The following TSHZ2 variants were observed in gnomAD, a reference collection of about 807,000 sequenced individuals.
TSHZ2 encodes the protein teashirt homolog 2.
Under a neutral mutation model 74.4 loss-of-function variants are expected in TSHZ2, and 21 were observed. That is an observed-to-expected ratio of 0.28 (90% CI 0.20 to 0.41). TSHZ2 has a LOEUF of 0.41. Among genes scored for constraint, TSHZ2 ranks in the 10% least tolerant of loss-of-function variants. TSHZ2 has a pLI of 1.00. For synonymous variants in TSHZ2, 540 were observed against 515.3 expected (o/e 1.05, Z -0.65); for missense variants, 1,244 against 1,293.5 (o/e 0.96, Z 0.59).
chr20:53,037,444 A>G lies in TSHZ2; in HGVS notation c.40+64111A>G, dbSNP rs546966913. On this transcript the variant is annotated intron_variant, in intron 1 of 2. Coordinates refer to ENST00000371497, the MANE Select transcript of TSHZ2 (RefSeq NM_173485.6). Reference sequence around the variant, plus strand: ...AAGACATGGACCTAAGACTCCAAACAAAAATACATTTCTTTGAAACTAAAT... The same window carrying G: ...AAGACATGGACCTAAGACTCCAAACGAAAATACATTTCTTTGAAACTAAAT... Among the ~76,000 whole-genome samples, 39 of 152,338 alleles carry G rather than the reference A, an allele frequency of 2.6e-4. 1 individual carries two copies. Among genetic ancestry groups the G allele is most frequent in the Admixed American group, 2.4e-3 (37 of 15,312 alleles).
At chr20:53,442,611 G>A (rs1319247627) in intron 2 of TSHZ2, among the ~76,000 whole-genome samples, 2 of 152,124 alleles carry the variant, frequency 1.3e-5, no homozygotes. Context: ...ATCACTCTGA[G>A]AGATCGCTCA....
intron 2 of TSHZ2, among the ~76,000 whole-genome samples, chr20:53,440,077 G>A (rs546980091): frequency 4.6e-5 from 7 of 151,482 alleles, no homozygotes; most frequent in South Asian, 2.1e-4. Flanking sequence ...AAATGTAATC[G>A]AAATCACTGG....
intron 1 of TSHZ2, among the ~76,000 whole-genome samples, chr20:53,184,249 T>C (rs1988548990): frequency 6.6e-6 from 1 of 152,246 alleles, no homozygotes; most frequent in African/African-American, 2.4e-5. Flanking sequence ...AAATGATTTT[T>C]GGATTTGATT....
At chr20:53,352,984 G>A (rs1980711554) in intron 2 of TSHZ2, among the ~76,000 whole-genome samples, 1 of 151,904 alleles carries the variant, frequency 6.6e-6, no homozygotes, top group South Asian at 2.1e-4. Flanking sequence ...TTTTTGCCCT[G>A]ACCACCAGGA....
chr20:53,442,869 A>C (rs1376528416), intron 2 of TSHZ2, among the ~76,000 whole-genome samples: 3 of 152,236 alleles, frequency 2.0e-5, no homozygotes, highest in African/African-American at 7.2e-5. Context: ...CATTGTGTGC[A>C]CTTGAGCTCT....
chr20:52,973,157 G>A lies in TSHZ2; in HGVS notation c.-137G>A. 8.8e-7 allele frequency: 1 copy of A among 1,131,464 alleles called. No individual in the cohort carries two copies. The highest frequency in any genetic ancestry group is 1.3e-6 in the Non-Finnish European group (1 of 793,972). The allele number at this position is 1,131,464 out of a possible 1,614,324, so 70.1% of individuals were successfully genotyped here. A position where few individuals can be genotyped will look rare whatever the true frequency, so the allele number is the denominator to read the frequency against. On this transcript the variant is annotated 5_prime_UTR_variant, in exon 1 of 3. Coordinates refer to ENST00000371497, the MANE Select transcript of TSHZ2 (RefSeq NM_173485.6). Reference sequence around the variant, plus strand: ...GAGGAGTTGCAGGGGGGATCGTCAGGGGGACAGAGGCCGAGTGACGTCCTA... The same window carrying A: ...GAGGAGTTGCAGGGGGGATCGTCAGAGGGACAGAGGCCGAGTGACGTCCTA...
intron 2 of TSHZ2, among the ~76,000 whole-genome samples, chr20:53,309,223 C>T (rs1978676765): frequency 6.6e-6 from 1 of 152,158 alleles, no homozygotes; most frequent in African/African-American, 2.4e-5. Flanking sequence ...GAACGACTGC[C>T]CTGTTGCTGT....
chr20:53,087,882 T>C (rs964919157), intron 1 of TSHZ2, among the ~76,000 whole-genome samples: 1 of 152,204 alleles, frequency 6.6e-6, no homozygotes, highest in Admixed American at 6.5e-5. Flanking sequence ...ATATTGGTAA[T>C]TGGCCACCTT....
chr20:52,995,963 A>G (rs1402698220), intron 1 of TSHZ2, among the ~76,000 whole-genome samples: 3 of 151,822 alleles, frequency 2.0e-5, no homozygotes, highest in African/African-American at 2.4e-5. Flanking sequence ...AAGTTATTTA[A>G]CCTTCTAAGC....
intron 1 of TSHZ2, among the ~76,000 whole-genome samples, chr20:53,168,161 AG>A (rs1988105685): frequency 6.6e-6 from 1 of 152,148 alleles, no homozygotes; most frequent in Non-Finnish European, 1.5e-5. Flanking sequence ...TGATTTGTTC[AG>A]GGTTTGTCCA....
chr20:53,174,435 T>C (rs1988276168), intron 1 of TSHZ2, among the ~76,000 whole-genome samples: 1 of 152,198 alleles, frequency 6.6e-6, no homozygotes. Flanking sequence ...TCATAGGCCA[T>C]GTCGAATAAG....
At chr20:53,337,312 C>T (rs769147113) in intron 2 of TSHZ2, among the ~76,000 whole-genome samples, 1 of 152,230 alleles carries the variant, frequency 6.6e-6, no homozygotes, top group Admixed American at 6.5e-5. Context: ...TAGATAATTA[C>T]TGGTTGAATA....
intron 1 of TSHZ2, among the ~76,000 whole-genome samples, chr20:53,053,267 CTTTA>C (rs201217986): frequency 2.6e-5 from 4 of 152,150 alleles, no homozygotes; most frequent in Non-Finnish European, 2.9e-5. Context: ...ATATGCCACA[CTTTA>C]TTTATTCATT....
intron 1 of TSHZ2, among the ~76,000 whole-genome samples, chr20:53,145,607 C>G (rs1414190834): frequency 6.6e-6 from 1 of 152,162 alleles, no homozygotes; most frequent in Non-Finnish European, 1.5e-5. Context: ...GAGTGTAGAA[C>G]ACACACCTCA....
At chr20:53,038,968 C>T (rs1434937634) in intron 1 of TSHZ2, among the ~76,000 whole-genome samples, 1 of 151,520 alleles carries the variant, frequency 6.6e-6, no homozygotes, top group East Asian at 1.9e-4. Context: ...GCGATCTCGG[C>T]TCACAGCAAC....
intron 2 of TSHZ2, among the ~76,000 whole-genome samples, chr20:53,406,213 G>A (rs940536939): frequency 4.4e-4 from 67 of 152,032 alleles, no homozygotes; most frequent in African/African-American, 1.6e-3. Flanking sequence ...AAAAAGAGCA[G>A]GTGGATGTGT....
At position 53,489,431 on chromosome 20, in the gene TSHZ2, C is replaced by G; in HGVS notation, c.*2296C>G. 3 of 326,280 alleles carry G rather than the reference C, an allele frequency of 9.2e-6. No homozygotes were observed. The highest frequency in any genetic ancestry group is 4.1e-5 in the Admixed American group (1 of 24,502). 20.2% of individuals were successfully genotyped at this position (326,280 alleles called of 1,614,324 possible). The stretch of plus-strand genomic sequence containing the variant: ...AAATCAATGCATTAGTATTGGGGTT[C>G]TCGTAGCTGTTAAAAATTGTCTGCT... On this transcript the variant is annotated 3_prime_UTR_variant, in exon 3 of 3. Transcript: ENST00000371497.
chr20:53,234,944 G>A (rs1290209626), intron 1 of TSHZ2, among the ~76,000 whole-genome samples: 1 of 152,066 alleles, frequency 6.6e-6, no homozygotes, highest in East Asian at 1.9e-4. Context: ...GGAGTGTTAA[G>A]CATTGACAGT....
chr20:53,149,711 C>G (rs1987630347), intron 1 of TSHZ2, among the ~76,000 whole-genome samples: 1 of 152,156 alleles, frequency 6.6e-6, no homozygotes, highest in Admixed American at 6.6e-5. Context: ...GACTTGCAGT[C>G]CAATCATTGA....
Sources: allele counts gnomAD v4.1 joint callset (sites outside exome capture counted in the v4.1 genomes callset), GRCh38; gene constraint gnomAD v4.1.1; transcripts MANE v1.5; gene names NCBI Gene and HGNC (gene_info 2026-07-23, HGNC 2026-07-21).